WDPCP: variants seen among roughly 807,000 people sequenced by gnomAD.
The protein encoded by WDPCP is WD repeat containing planar cell polarity effector.
Under a neutral mutation model 93.1 loss-of-function variants are expected in WDPCP, and 71 were observed. The ratio of observed to expected loss-of-function variants is 0.76; its 90% CI spans 0.63 to 0.93. The LOEUF is 0.93. Ranked by LOEUF, WDPCP falls within the 40% of genes least tolerant of loss-of-function variation. WDPCP has a pLI of 0.00. For synonymous variants in WDPCP, 315 were observed against 315.0 expected (o/e 1.00, Z 0.00); for missense variants, 844 against 887.4 (o/e 0.95, Z 0.62).
chr2:63,180,713 C>T (rs1674176631), intron 14 of WDPCP, among the ~76,000 whole-genome samples: 1 of 152,002 alleles, frequency 6.6e-6, no homozygotes, highest in African/African-American at 2.4e-5. Context: ...GGGATTGCTG[C>T]CTAGAATGGC....
chr2:63,486,412 T>G, intron 4 of WDPCP, 130 bp downstream of exon 4: 1 of 735,522 alleles, frequency 1.4e-6, no homozygotes, highest in Non-Finnish European at 2.3e-6. Flanking sequence ...CTTATATGTT[T>G]ATATTCCTAA....
At chr2:63,587,400 GGA>G (rs1256567372) in intron 1 of WDPCP, among the ~76,000 whole-genome samples, 2 of 152,098 alleles carry the variant, frequency 1.3e-5, no homozygotes, top group East Asian at 1.9e-4. Context: ...AGAGATACAA[GGA>G]GAGTCATTCA....
intron 15 of WDPCP, among the ~76,000 whole-genome samples, chr2:63,159,414 T>C (rs1672497435): frequency 6.6e-6 from 1 of 152,094 alleles, no homozygotes; most frequent in Non-Finnish European, 1.5e-5. Flanking sequence ...TTAATGATTG[T>C]TGGAGCTCCT....
At chr2:63,437,336 G>A (rs1348686819) in intron 8 of WDPCP, 85 bp downstream of exon 8, 1 of 1,104,810 alleles carries the variant, frequency 9.1e-7, no homozygotes, top group Non-Finnish European at 1.3e-6. Flanking sequence ...AAATGTTGAA[G>A]AATAATGAGC....
rs773070689 is a variant in WDPCP, at chr2:63,588,225, CT to C, written c.46del (p.Ser16ValfsTer23). ...TCTCGGGAGTGGGGAAGAAGCGCGA[CT>C]CCCGGCCGCTTTGGAGTAGGCGTCC... The part of the protein sequence containing the change: ...CWDAYSKAAG[S>X]RASSPLPRQD... On this transcript the variant is annotated frameshift_variant, in exon 1 of 18. Coordinates refer to ENST00000272321, the MANE Select transcript of WDPCP (RefSeq NM_015910.7). LOFTEE classifies it high-confidence loss of function. The C allele has an allele frequency of 1.9e-6, 3 of 1,575,326 alleles. No homozygotes were observed. The South Asian group carries it at 3.5e-5, about 18-fold the overall frequency.
chr2:63,525,071 A>C (rs1459929924), intron 1 of WDPCP, among the ~76,000 whole-genome samples: 1 of 152,236 alleles, frequency 6.6e-6, no homozygotes, highest in Admixed American at 6.5e-5. Flanking sequence ...GCCCAAAAAA[A>C]AGAAAAAGGT....
At chr2:63,575,467 G>GTTATATA (rs1558832897) in intron 1 of WDPCP, among the ~76,000 whole-genome samples, 3 of 6,840 alleles carry the variant, frequency 4.4e-4, no homozygotes, top group African/African-American at 1.8e-3. Flanking sequence ...CAGTATATAT[G>GTTATATA]CAGTATATAC....
At chr2:63,288,051 C>T (rs1204181605) in intron 13 of WDPCP, among the ~76,000 whole-genome samples, 1 of 152,140 alleles carries the variant, frequency 6.6e-6, no homozygotes, top group African/African-American at 2.4e-5. Context: ...GTAAGCCATC[C>T]TACAAAAATC....
At chr2:63,351,155 T>C (rs1323815144) in intron 12 of WDPCP, among the ~76,000 whole-genome samples, 1 of 152,020 alleles carries the variant, frequency 6.6e-6, no homozygotes, top group Non-Finnish European at 1.5e-5. Flanking sequence ...CTAATTTTTG[T>C]ATTTTTAGTA....
intron 17 of WDPCP, among the ~76,000 whole-genome samples, chr2:63,145,786 A>G (rs1287197369): frequency 1.3e-5 from 2 of 152,116 alleles, no homozygotes; most frequent in Admixed American, 1.3e-4. Flanking sequence ...GAATCTATAC[A>G]TTGCTCTGGG....
chr2:63,574,534 AG>A (rs1707779122), intron 1 of WDPCP, among the ~76,000 whole-genome samples: 7 of 152,188 alleles, frequency 4.6e-5, no homozygotes, highest in Admixed American at 4.6e-4. Context: ...ATTCATTTAT[AG>A]ATTCATGCAT....
At chr2:63,236,018 G>A (rs1679363488) in intron 14 of WDPCP, among the ~76,000 whole-genome samples, 2 of 152,028 alleles carry the variant, frequency 1.3e-5, no homozygotes, top group Non-Finnish European at 2.9e-5. Context: ...AGAAATCAAA[G>A]GCATCCAAAA....
At chr2:63,716,918 T>C (rs1669347329) in intron 2 of WDPCP, among the ~76,000 whole-genome samples, 1 of 152,250 alleles carries the variant, frequency 6.6e-6, no homozygotes, top group Admixed American at 6.5e-5. Flanking sequence ...AGGAGTACTT[T>C]ATTACGAATT....
chr2:63,476,751 C>G (rs116056214), intron 6 of WDPCP, among the ~76,000 whole-genome samples: 22 of 152,182 alleles, frequency 1.4e-4, no homozygotes, highest in Non-Finnish European at 2.8e-4. Context: ...CATGGTATGT[C>G]TATTATTATT....
upstream of WDPCP, chr2:63,588,901 G>A: frequency 8.8e-7 from 1 of 1,131,716 alleles, no homozygotes; most frequent in Non-Finnish European, 1.3e-6. Flanking sequence ...GTAAACTACA[G>A]TTCCCAGAGA....
At chr2:63,437,968 T>C in intron 7 of WDPCP, 1 of 1,464,354 alleles carries the variant, frequency 6.8e-7, no homozygotes, top group Non-Finnish European at 9.1e-7. Context: ...TAGGGGATAC[T>C]GATCAGTGTT....
At chr2:63,753,239 T>C (rs908593218) in intron 2 of WDPCP, among the ~76,000 whole-genome samples, 22 of 151,990 alleles carry the variant, frequency 1.4e-4, no homozygotes, top group African/African-American at 5.3e-4. Flanking sequence ...AAGACTAGCC[T>C]GGCCAACATG....
chr2:63,700,492 C>T (rs1669031870), intron 2 of WDPCP, among the ~76,000 whole-genome samples: 1 of 151,924 alleles, frequency 6.6e-6, no homozygotes, highest in South Asian at 2.1e-4. Flanking sequence ...AGATGGATAA[C>T]GAAGACAAAT....
chr2:63,273,489 T>A (rs1405476199), intron 13 of WDPCP, among the ~76,000 whole-genome samples: 1 of 151,498 alleles, frequency 6.6e-6, no homozygotes, highest in Admixed American at 6.6e-5. Context: ...CAATAAAACC[T>A]TGAATGTAAA....
Sources: allele counts gnomAD v4.1 joint callset (sites outside exome capture counted in the v4.1 genomes callset), GRCh38; gene constraint gnomAD v4.1.1; transcripts MANE v1.5; gene names NCBI Gene and HGNC (gene_info 2026-07-23, HGNC 2026-07-21).